Variants in UBN2 observed in about 807,000 individuals in gnomAD.
UBN2 encodes the protein ubinuclein 2.
UBN2 carries 35 observed loss-of-function variants against 120.2 expected under a neutral mutation model. That is an observed-to-expected ratio of 0.29 (90% CI 0.22 to 0.39). The LOEUF (loss-of-function observed/expected upper bound fraction) is 0.39. Among genes scored for constraint, UBN2 ranks in the 10% least tolerant of loss-of-function variants. The pLI, the probability that UBN2 is intolerant of heterozygous loss-of-function variation, is 1.00. For synonymous variants in UBN2, 661 were observed against 648.7 expected, an observed-to-expected ratio of 1.02 and a Z score of -0.29; for missense variants, 1,693 against 1,663.2, an observed-to-expected ratio of 1.02 and a Z score of -0.31.
At chr7:139,244,286 G>T (rs1796401407) in intron 2 of UBN2, among the ~76,000 whole-genome samples, 1 of 152,170 alleles carries the variant, frequency 6.6e-6, no homozygotes, top group Non-Finnish European at 1.5e-5. Flanking sequence ...GAACCACTGT[G>T]AATAGTTTGA....
intron 6 of UBN2, among the ~76,000 whole-genome samples, 164 bp from the exon 7 acceptor site, chr7:139,266,169 G>A (rs1797091148): frequency 6.9e-6 from 1 of 144,446 alleles, no homozygotes; most frequent in Non-Finnish European, 1.5e-5. Context: ...AAGGTGGGAG[G>A]ATTGCTTGAG....
chr7:139,314,971 TA>T, the UBN2 span, among the ~76,000 whole-genome samples: 17 of 150,836 alleles, frequency 1.1e-4, no homozygotes, highest in African/African-American at 3.2e-4. Context: ...ATAATAATAA[TA>T]ATAATATTAT....
At chr7:139,327,059 G>A in the UBN2 span, among the ~76,000 whole-genome samples, 62 of 152,238 alleles carry the variant, frequency 4.1e-4, no homozygotes, top group Non-Finnish European at 4.9e-4. Context: ...TTGAGACAGA[G>A]TTTCACTCTT....
downstream of UBN2, among the ~76,000 whole-genome samples, chr7:139,309,105 C>G (rs746922882): frequency 2.0e-5 from 3 of 151,870 alleles, no homozygotes; most frequent in African/African-American, 7.3e-5. Flanking sequence ...GGTGGGAGAA[C>G]GATGAAGAGA....
intron 17 of UBN2, 21 bp downstream of exon 17, chr7:139,294,002 ATC>A: frequency 6.2e-7 from 1 of 1,605,208 alleles, no homozygotes. Context: ...CACCTCCTTC[ATC>A]TCTTTCTTAT....
chr7:139,274,779 AAAAG>A (rs1444273460), intron 11 of UBN2, among the ~76,000 whole-genome samples: 11 of 151,712 alleles, frequency 7.3e-5, no homozygotes, highest in South Asian at 2.1e-4. Flanking sequence ...AAAAAAAAGA[AAAAG>A]AAAAAAGAAA....
At chr7:139,264,894 T>A (rs1007569143) in intron 6 of UBN2, among the ~76,000 whole-genome samples, 3 of 152,196 alleles carry the variant, frequency 2.0e-5, no homozygotes, top group African/African-American at 7.2e-5. Flanking sequence ...CCTACACTAT[T>A]TTTTAATTAA....
chr7:139,254,235 G>A (rs1329966376), intron 3 of UBN2, among the ~76,000 whole-genome samples: 1 of 152,170 alleles, frequency 6.6e-6, no homozygotes, highest in Non-Finnish European at 1.5e-5. Flanking sequence ...GGAGCTTGCA[G>A]TGAGCCGAGA....
In UBN2 at chr7:139,298,175, G is replaced by A; in HGVS notation, c.*339G>A. 4.0e-6 allele frequency: 1 copy of A among 248,560 alleles called. No individual in the cohort carries two copies. The highest frequency in any genetic ancestry group is 7.8e-6 in the Non-Finnish European group (1 of 128,868). The allele number at this position is 248,560 out of a possible 1,614,324, so 15.4% of individuals were successfully genotyped here. A position where few individuals can be genotyped will look rare whatever the true frequency, so the allele number is the denominator to read the frequency against. ...AGGAAGAAGGAAGTGAAGAGAATTT[G>A]GGTAAACTCCATCCATCCTGGGGGT... On this transcript the variant is annotated 3_prime_UTR_variant, in exon 18 of 18. Coordinates refer to ENST00000473989, the MANE Select transcript of UBN2 (RefSeq NM_173569.4).
Position 139,284,024 on chromosome 7 carries a change from C to G in UBN2, c.3119C>G (p.Ala1040Gly), listed in dbSNP as rs761912875. ...PFSMAASPKLAASPKPATSPK... is the reference protein window; with the variant it reads ...PFSMAASPKLGASPKPATSPK... ...TCGATGGCTGCCTCCCCAAAACTTGCCGCATCTCCCAAGCCTGCCACATCT... is the reference window on the plus strand; with the variant it reads ...TCGATGGCTGCCTCCCCAAAACTTGGCGCATCTCCCAAGCCTGCCACATCT... Residue 1040 changes from alanine to glycine, a missense_variant, in exon 15 of 18, where the codon GCC (alanine) becomes GGC (glycine). Coordinates refer to ENST00000473989, the MANE Select transcript of UBN2 (RefSeq NM_173569.4). 9 of 1,613,986 alleles carry G rather than the reference C, an allele frequency of 5.6e-6. No homozygotes were observed. Among genetic ancestry groups the G allele is most frequent in the Non-Finnish European group, 7.6e-6 (9 of 1,180,016 alleles).
chr7:139,301,219 A>C lies in UBN2; in HGVS notation c.*3383A>C, dbSNP rs1798249549. On this transcript the variant is annotated 3_prime_UTR_variant, in exon 18 of 18. Transcript: ENST00000473989. ...TGTGTTGGAATACTGTGGGTTTGAC[A>C]CCTGGTTGAAAACAACTTATTGGAC... 6.6e-6 allele frequency: 1 copy of C among 152,148 alleles called. No individual in the cohort carries two copies. Among genetic ancestry groups the C allele is most frequent in the Non-Finnish European group, 1.5e-5 (1 of 68,034 alleles). 9.4% of individuals were successfully genotyped at this position (152,148 alleles called of 1,614,324 possible).
rs1798229957 is a variant in UBN2 at position 139,300,559 on chromosome 7, T to G, written c.*2723T>G. On this transcript the variant is annotated 3_prime_UTR_variant, in exon 18 of 18. Transcript: ENST00000473989. ...GCACTTAAAAATCAAATTATGTTATTTTTTAAAATGGTGAGTCATTGGAAA... is the reference window on the plus strand; with the variant it reads ...GCACTTAAAAATCAAATTATGTTATGTTTTAAAATGGTGAGTCATTGGAAA... 6.6e-6 allele frequency: 1 copy of G among 152,188 alleles called. No homozygotes were observed. Among genetic ancestry groups the G allele is most frequent in the African/African-American group, 2.4e-5 (1 of 41,446 alleles). The allele number at this position is 152,188 out of a possible 1,614,324, so 9.4% of individuals were successfully genotyped here. A position where few individuals can be genotyped will look rare whatever the true frequency, so the allele number is the denominator to read the frequency against.
At chr7:139,313,127 C>T (rs920043061), downstream of UBN2, among the ~76,000 whole-genome samples, 4 of 151,984 alleles carry the variant, frequency 2.6e-5, no homozygotes, top group African/African-American at 9.7e-5. Flanking sequence ...TTTATTCTTC[C>T]ATAGAAATTT....
At position 139,284,433 on chromosome 7, in the gene UBN2, C is replaced by A; in HGVS notation, c.3528C>A (p.Ser1176Arg). 3.1e-6 allele frequency: 5 copies of A among 1,614,178 alleles called. No individual in the cohort carries two copies. The highest frequency in any genetic ancestry group is 4.2e-6 in the Non-Finnish European group (5 of 1,180,038). Reference sequence around the variant, plus strand: ...TGAATGTACCTGCCAGCAGAGGTAGCAACCTTAACTCAAGCGGAGCTAATA... The same window carrying A: ...TGAATGTACCTGCCAGCAGAGGTAGAAACCTTAACTCAAGCGGAGCTAATA... ...IAMNVPASRG[S>R]NLNSSGANRT... The change falls in exon 15 of 18, where the codon AGC (serine) becomes AGA (arginine). Residue 1176 changes from serine (S) to arginine (R), a missense_variant. By Grantham distance (110) the Ser-to-Arg change is moderately radical. Coordinates refer to ENST00000473989, the MANE Select transcript of UBN2 (RefSeq NM_173569.4).
At chr7:139,330,131 T>G in the UBN2 span, among the ~76,000 whole-genome samples, 1 of 152,190 alleles carries the variant, frequency 6.6e-6, no homozygotes, top group Non-Finnish European at 1.5e-5. Context: ...ACCTGTCATA[T>G]TATAGGGTGC....
rs926101828 is a variant in UBN2 at position 139,262,706 on chromosome 7, T to G, written c.1395+965T>G. ...TCCATCCTGGGTGACAGAGCAAGAC[T>G]CCATCTCAAAAAAAAAAAAAAAACC... On this transcript the variant is annotated intron_variant, in intron 6 of 17. Coordinates refer to ENST00000473989, the MANE Select transcript of UBN2 (RefSeq NM_173569.4). Among the ~76,000 whole-genome samples the G allele has an allele frequency of 2.2e-5, 3 of 134,360 alleles. No individual in the cohort carries two copies. The East Asian group carries it at 6.4e-4, about 28-fold the overall frequency. The allele number at this position is 134,360 out of a possible 152,430, so 88.1% of individuals were successfully genotyped here. A position where few individuals can be genotyped will look rare whatever the true frequency, so the allele number is the denominator to read the frequency against.
At chr7:139,272,175 G>C (rs1323555319) in intron 8 of UBN2, 147 bp from the exon 9 acceptor site, 1 of 595,566 alleles carries the variant, frequency 1.7e-6, no homozygotes, top group African/African-American at 1.9e-5. Context: ...AAAAGTCAGT[G>C]CTGTAGAAGA....
chr7:139,283,946 T>C lies in UBN2; in HGVS notation c.3041T>C (p.Leu1014Ser). ...VPSTTTSSNY[L>S]AKAMVSQIST... is the part of the protein sequence containing the mutation. Reference sequence around the variant, plus strand: ...AGCACCACTACCTCCAGTAACTATTTAGCCAAGGCTATGGTGTCACAGATC... The same window carrying C: ...AGCACCACTACCTCCAGTAACTATTCAGCCAAGGCTATGGTGTCACAGATC... The change falls in exon 15 of 18, where the codon TTA (leucine) becomes TCA (serine). Residue 1014 changes from leucine (L) to serine (S), a missense_variant. Physicochemically the swap from Leu to Ser is moderately radical, Grantham distance 145. Around this residue, in one of 5 missense-constraint regions of UBN2, gnomAD observed 837 missense variants for 817.6 expected, o/e 1.02. Coordinates refer to ENST00000473989, the MANE Select transcript of UBN2 (RefSeq NM_173569.4). 6.2e-7 allele frequency: 1 copy of C among 1,614,036 alleles called. No individual in the cohort carries two copies. The highest frequency in any genetic ancestry group is 8.5e-7 in the Non-Finnish European group (1 of 1,180,008).
intron 16 of UBN2, 45 bp from the exon 17 acceptor site, chr7:139,293,844 C>G (rs760007786): frequency 5.0e-5 from 79 of 1,580,442 alleles, no homozygotes; most frequent in Admixed American, 1.2e-4. Context: ...TAAAAGGGCT[C>G]AAATCTGGAT....
Sources: allele counts gnomAD v4.1 joint callset (sites outside exome capture counted in the v4.1 genomes callset), GRCh38; gene constraint gnomAD v4.1.1; regional missense constraint gnomAD v4.1.1; transcripts MANE v1.5; gene names NCBI Gene and HGNC (gene_info 2026-07-23, HGNC 2026-07-21).